The following LRTM2 variants were observed in gnomAD, a reference collection of about 807,000 sequenced individuals.
LRTM2 encodes the protein leucine rich repeat transmembrane protein 2.
In LRTM2, 18 loss-of-function variants were observed where a neutral mutation model predicts 28.1. The observed-to-expected ratio is 0.64, with a 90% CI of 0.44 to 0.95. The LOEUF (loss-of-function observed/expected upper bound fraction) is 0.95, where lower values mean the gene tolerates loss of function less well. Ranked by LOEUF, LRTM2 falls within the 40% of genes least tolerant of loss-of-function variation. LRTM2 has a pLI of 0.00. For missense variants in LRTM2, 436 were observed against 497.2 expected, an observed-to-expected ratio of 0.88 and a Z score of 1.17; for synonymous variants, 250 against 218.7, an observed-to-expected ratio of 1.14 and a Z score of -1.26.
rs1365237470 is a variant in LRTM2, at chr12:1,835,721, C to CGGCT, written c.*1002_*1005dup. 2 of 152,644 alleles carry CGGCT rather than the reference C, an allele frequency of 1.3e-5. No homozygotes were observed. Among genetic ancestry groups the CGGCT allele is most frequent in the African/African-American group, 4.8e-5 (2 of 41,442 alleles). 9.5% of individuals were successfully genotyped at this position (152,644 alleles called of 1,614,324 possible). A position where few individuals can be genotyped will look rare whatever the true frequency, so the allele number is the denominator to read the frequency against. On this transcript the variant is annotated 3_prime_UTR_variant, in exon 5 of 5. Transcript: ENST00000299194. The stretch of plus-strand genomic sequence containing the variant: ...CGGGATACCACCCAGGGGCCTGGAG[C>CGGCT]GGCTGCATGTGTGCATGGCGGCCTC...
rs1048506289 is a variant in LRTM2 at position 1,833,299 on chromosome 12, G to A, written c.659-968G>A. 6.6e-6 allele frequency among the ~76,000 whole-genome samples: 1 copy of A among 152,130 alleles called. No individual in the cohort carries two copies. The highest frequency in any genetic ancestry group is 6.5e-5 in the Admixed American group (1 of 15,282). ...TGCAGCCCGCATCTTTTCGGCAGGG[G>A]GTCTAGTGCCTGCATCCAGATTTCA... On this transcript the variant is annotated intron_variant, in intron 4 of 4. Transcript: ENST00000299194. This position sits in a 1 kb window ranked among gnomAD's most constrained non-coding sequence, Gnocchi z 4.2.
rs555919149 is a variant in LRTM2 at position 1,823,023 on chromosome 12, C to A, written c.-259+2209C>A. On this transcript the variant is annotated intron_variant, in intron 1 of 4. Transcript: ENST00000299194. ...CTGGCCTTCTGCAGAGTGAAGGGGG[C>A]GGCAGAGTAGGCTGCAAATGCCCCC... Among the ~76,000 whole-genome samples the A allele has an allele frequency of 5.3e-5, 8 of 152,268 alleles. No homozygotes were observed. The East Asian group carries it at 1.4e-3, about 26-fold the overall frequency.
Position 1,828,416 on chromosome 12 carries a change from G to A in LRTM2, c.67+201G>A, listed in dbSNP as rs543185345. ...AGCATCCCTGCCAGTCAGAGTCACCGCTGAGTGCTGAGTGGTTAGACCTGG... is the reference window on the plus strand; with the variant it reads ...AGCATCCCTGCCAGTCAGAGTCACCACTGAGTGCTGAGTGGTTAGACCTGG... On this transcript the variant is annotated intron_variant, in intron 3 of 4. Transcript: ENST00000299194. This position sits in a 1 kb window ranked among gnomAD's most constrained non-coding sequence, Gnocchi z 4.2. Among the ~76,000 whole-genome samples the A allele has an allele frequency of 2.7e-4, 41 of 152,348 alleles. No individual in the cohort carries two copies. The highest frequency in any genetic ancestry group is 5.5e-4 in the African/African-American group (23 of 41,594).
In LRTM2 at chr12:1,831,180, G is replaced by A; in HGVS notation, c.313G>A (p.Asp105Asn). Residue 105 changes from aspartate (D) to asparagine (N), a missense_variant, in exon 4 of 5, where the codon GAC becomes AAC. Asp to Asn is a conservative substitution (Grantham distance 23). Coordinates refer to ENST00000299194, the MANE Select transcript of LRTM2 (RefSeq NM_001039029.3). ...GTTGGACCTGTCCAACAACTTCCTGGACCGGCTGCCCCGCTCCATTTTCGG... is the reference window on the plus strand; with the variant it reads ...GTTGGACCTGTCCAACAACTTCCTGAACCGGCTGCCCCGCTCCATTTTCGG... ...QRLDLSNNFL[D>N]RLPRSIFGDL... 1 of 1,613,920 alleles carries A rather than the reference G, an allele frequency of 6.2e-7. No individual in the cohort carries two copies. The highest frequency in any genetic ancestry group is 8.5e-7 in the Non-Finnish European group (1 of 1,180,026).
At chr12:1,822,910 G>A (rs76821779) in intron 1 of LRTM2, among the ~76,000 whole-genome samples, 4,958 of 152,252 alleles carry the variant, frequency 0.033, 164 homozygotes, top group African/African-American at 0.074. Flanking sequence ...GCCACTCTCC[G>A]GGCTCCCTCT....
At position 1,828,455 on chromosome 12, in the gene LRTM2, G is replaced by A. The variant is rs576565380; in HGVS notation, c.67+240G>A. On this transcript the variant is annotated intron_variant, in intron 3 of 4. Coordinates refer to ENST00000299194, the MANE Select transcript of LRTM2 (RefSeq NM_001039029.3). This position sits in a 1 kb window ranked among gnomAD's most constrained non-coding sequence, Gnocchi z 4.2. ...GGTTAGACCTGGAGCTGGAGGCCAC[G>A]ACAGTTGTTCTACCTCCCCCAGGTA... Among the ~76,000 whole-genome samples, 28 of 152,346 alleles carry A rather than the reference G, an allele frequency of 1.8e-4. No individual in the cohort carries two copies. Among genetic ancestry groups the A allele is most frequent in the African/African-American group, 4.1e-4 (17 of 41,582 alleles).
intron 1 of LRTM2, among the ~76,000 whole-genome samples, chr12:1,825,248 G>A (rs1446862309): frequency 6.6e-6 from 1 of 152,188 alleles, no homozygotes; most frequent in Non-Finnish European, 1.5e-5. Context: ...GGGAGAGGGT[G>A]AGGTGGGATG....
In LRTM2 at chr12:1,834,457, TGAGCCG is replaced by T; in HGVS notation, c.861_866del (p.Glu288_Pro289del). 1 of 1,611,542 alleles carries T rather than the reference TGAGCCG, an allele frequency of 6.2e-7. No homozygotes were observed. ...AGCCTGCTAAGCCCAAGCCCGGGGCTGAGCCGGAGCCGGAGCCCAGCACAGCCTGCC... is the reference window on the plus strand; with the variant it reads ...AGCCTGCTAAGCCCAAGCCCGGGGCTGAGCCGGAGCCCAGCACAGCCTGCC... On this transcript the variant is annotated inframe_deletion, in exon 5 of 5. Transcript: ENST00000299194. The surrounding 1 kb of genome is among the most constrained non-coding windows in gnomAD (Gnocchi z 7.6).
intron 1 of LRTM2, among the ~76,000 whole-genome samples, chr12:1,822,909 C>T (rs957200641): frequency 3.3e-5 from 5 of 152,192 alleles, no homozygotes; most frequent in Admixed American, 6.5e-5. Flanking sequence ...GGCCACTCTC[C>T]GGGCTCCCTC....
At chr12:1,830,914 C>A in intron 3 of LRTM2, 21 bp from the exon 4 acceptor site, 1 of 1,571,316 alleles carries the variant, frequency 6.4e-7, no homozygotes, top group Non-Finnish European at 8.7e-7. Flanking sequence ...TTTCTTTCCC[C>A]CGTCTGTCCC....
At chr12:1,830,488 G>A (rs892139176) in intron 3 of LRTM2, among the ~76,000 whole-genome samples, 2 of 152,244 alleles carry the variant, frequency 1.3e-5, no homozygotes, top group Non-Finnish European at 2.9e-5. Flanking sequence ...TGTCCCAGCA[G>A]TGACACTGGG....
In LRTM2 at chr12:1,834,713, G is replaced by A. The variant is rs553127546; in HGVS notation, c.1105G>A (p.Val369Met). The A allele has an allele frequency of 6.3e-7, 1 of 1,592,018 alleles. No individual in the cohort carries two copies. The highest frequency in any genetic ancestry group is 8.5e-7 in the Non-Finnish European group (1 of 1,172,068). ...EHEDQKQISS[V>M]A ...CGAGGACCAGAAGCAGATCTCTTCT[G>A]TGGCCTGAGCGCCCATCCCCACCCG... is the stretch of plus-strand genomic sequence containing the variant. The change falls in exon 5 of 5, where the codon GTG becomes ATG. Residue 369 changes from valine (V) to methionine (M), a missense_variant. Coordinates refer to ENST00000299194, the MANE Select transcript of LRTM2 (RefSeq NM_001039029.3). The surrounding 1 kb of genome is among the most constrained non-coding windows in gnomAD (Gnocchi z 7.6).
rs535415655 is a variant in LRTM2, at chr12:1,833,991, G to A, written c.659-276G>A. On this transcript the variant is annotated intron_variant, in intron 4 of 4. Transcript: ENST00000299194. The surrounding 1 kb of genome is among the most constrained non-coding windows in gnomAD (Gnocchi z 4.2). ...GGACAGGCCGGATGGAAGTGGCTGC[G>A]TGCTTCTCTATAAAATGGGAATAAA... Among the ~76,000 whole-genome samples the A allele has an allele frequency of 1.1e-4, 17 of 152,272 alleles. No homozygotes were observed. Among genetic ancestry groups the A allele is most frequent in the African/African-American group, 3.4e-4 (14 of 41,544 alleles).
chr12:1,827,222 C>T (rs1460699781), intron 1 of LRTM2, among the ~76,000 whole-genome samples, 188 bp from the exon 2 acceptor site: 1 of 152,030 alleles, frequency 6.6e-6, no homozygotes, highest in Non-Finnish European at 1.5e-5. Context: ...GGCCTCCCAT[C>T]TGGAAGGAAG....
At chr12:1,830,045 G>A (rs753970706) in intron 3 of LRTM2, among the ~76,000 whole-genome samples, 7 of 152,226 alleles carry the variant, frequency 4.6e-5, no homozygotes, top group Non-Finnish European at 1.0e-4. Flanking sequence ...CTACGCAGAA[G>A]GGTCTTGGGC....
chr12:1,831,704 C>T (rs1864638540), intron 4 of LRTM2, among the ~76,000 whole-genome samples, 179 bp downstream of exon 4: 1 of 152,134 alleles, frequency 6.6e-6, no homozygotes, highest in Admixed American at 6.5e-5. Context: ...CATGAGCCAT[C>T]ACCCTTCCTG....
chr12:1,835,156 C>T lies in LRTM2; in HGVS notation c.*435C>T, dbSNP rs556992945. On this transcript the variant is annotated 3_prime_UTR_variant, in exon 5 of 5. Transcript: ENST00000299194. ...GGATCTGAGGGATGAAGGTAGATTT[C>T]TGAGACTCTCTCCTAAGCCAGAAAG... 5.9e-6 allele frequency: 1 copy of T among 168,876 alleles called. No individual in the cohort carries two copies. Among genetic ancestry groups the T allele is most frequent in the African/African-American group, 2.4e-5 (1 of 42,024 alleles). 10.5% of individuals were successfully genotyped at this position (168,876 alleles called of 1,614,324 possible).
In LRTM2 at chr12:1,831,621, C is replaced by T; in HGVS notation, c.658+96C>T. On this transcript the variant is annotated intron_variant, in intron 4 of 4. Coordinates refer to ENST00000299194, the MANE Select transcript of LRTM2 (RefSeq NM_001039029.3). Reference sequence around the variant, plus strand: ...GGTGGCTGGGTGCTGACTCAGAGAGCAGGCCAGGGGAAAGAAGGGGGCGAC... The same window carrying T: ...GGTGGCTGGGTGCTGACTCAGAGAGTAGGCCAGGGGAAAGAAGGGGGCGAC... 3.6e-6 allele frequency: 4 copies of T among 1,101,488 alleles called. No homozygotes were observed. The South Asian group carries it at 6.0e-5, about 17-fold the overall frequency. 68.2% of individuals were successfully genotyped at this position (1,101,488 alleles called of 1,614,324 possible).
intron 1 of LRTM2, among the ~76,000 whole-genome samples, chr12:1,823,741 A>C (rs905490368): frequency 6.6e-6 from 1 of 152,250 alleles, no homozygotes; most frequent in East Asian, 1.9e-4. Context: ...ATCTCAGTCC[A>C]GCAAGTCACA....
Sources: gnomAD v4.1 joint callset for allele counts (sites outside exome capture counted in the v4.1 genomes callset) on GRCh38, gnomAD v4.1.1 for gene constraint, Gnocchi (gnomAD v3.1) non-coding constraint, MANE v1.5 for transcripts, NCBI Gene and HGNC (gene_info 2026-07-23, HGNC 2026-07-21) for gene names.